TPST1: variants seen among roughly 807,000 people sequenced by gnomAD.
TPST1 encodes the protein tyrosylprotein sulfotransferase 1, also known as protein-tyrosine sulfotransferase 1.
In TPST1, 20 loss-of-function variants were observed where a neutral mutation model predicts 34.8. The observed-to-expected ratio is 0.57, with a 90% CI of 0.40 to 0.84. The LOEUF is 0.84. TPST1 is among the 40% of genes least tolerant of loss of function. The pLI is 0.00. For synonymous variants in TPST1, 152 were observed against 159.4 expected (o/e 0.95, Z 0.35); for missense variants, 353 against 455.5 (o/e 0.78, Z 2.05).
At chr7:66,208,878 CA>C (rs1230155679) in intron 1 of TPST1, among the ~76,000 whole-genome samples, 6 of 152,184 alleles carry the variant, frequency 3.9e-5, no homozygotes, top group Non-Finnish European at 5.9e-5. Flanking sequence ...CAGTTTCTAG[CA>C]AATTGCCAAG....
chr7:66,330,257 G>A (rs1251770371), intron 3 of TPST1, among the ~76,000 whole-genome samples: 1 of 152,152 alleles, frequency 6.6e-6, no homozygotes, highest in Non-Finnish European at 1.5e-5. Flanking sequence ...GTAATCACCA[G>A]GGTCCTCATA....
At chr7:66,302,623 T>C (rs1791340844) in intron 3 of TPST1, among the ~76,000 whole-genome samples, 3 of 152,232 alleles carry the variant, frequency 2.0e-5, no homozygotes, top group African/African-American at 2.4e-5. Flanking sequence ...CCTCCTTTTC[T>C]GCCCACTTGT....
At chr7:66,277,835 G>A (rs1562826243) in intron 2 of TPST1, among the ~76,000 whole-genome samples, 1 of 152,004 alleles carries the variant, frequency 6.6e-6, no homozygotes, top group Non-Finnish European at 1.5e-5. Context: ...GGAAGAAGTA[G>A]GGGGACCTAT....
chr7:66,273,829 G>A (rs1424537806), intron 2 of TPST1, among the ~76,000 whole-genome samples: 2 of 151,678 alleles, frequency 1.3e-5, no homozygotes, highest in Non-Finnish European at 2.9e-5. Context: ...TTGAGACAGG[G>A]TCTCACTCTG....
At chr7:66,261,763 G>A (rs1489810264) in intron 2 of TPST1, among the ~76,000 whole-genome samples, 2 of 152,078 alleles carry the variant, frequency 1.3e-5, no homozygotes, top group African/African-American at 2.4e-5. Context: ...ACCTTTGTAT[G>A]CCTCATTTTC....
chr7:66,326,416 C>T (rs1400016162), intron 3 of TPST1, among the ~76,000 whole-genome samples: 1 of 152,154 alleles, frequency 6.6e-6, no homozygotes, highest in Non-Finnish European at 1.5e-5. Context: ...GGGAAAAGGA[C>T]TCCAGTGAAA....
At chr7:66,247,682 C>T (rs1790179613) in intron 2 of TPST1, among the ~76,000 whole-genome samples, 1 of 152,194 alleles carries the variant, frequency 6.6e-6, no homozygotes. Context: ...ATGGTTAAGG[C>T]GCTGTAGTTC....
At chr7:66,356,703 C>A in intron 4 of TPST1, 122 bp from the exon 5 acceptor site, 2 of 1,067,152 alleles carry the variant, frequency 1.9e-6, no homozygotes, top group South Asian at 1.4e-5. Context: ...CACAGTAGTG[C>A]ACTGAGTTCA....
At position 66,206,879 on chromosome 7, in the gene TPST1, A is replaced by G. The variant is rs996987541; in HGVS notation, c.-102+1357A>G. On this transcript the variant is annotated intron_variant, in intron 1 of 5. Transcript: ENST00000304842. ...CTGTACAGACCAAATATGCTTAAGA[A>G]TGAAACTTCTGACAAGTCCTCTAAG... 2.0e-5 allele frequency among the ~76,000 whole-genome samples: 3 copies of G among 152,186 alleles called. No homozygotes were observed. The East Asian group carries it at 5.8e-4, about 29-fold the overall frequency.
chr7:66,352,817 G>C, intron 4 of TPST1: 1 of 985,414 alleles, frequency 1.0e-6, no homozygotes, highest in Non-Finnish European at 1.2e-6. Flanking sequence ...ACCAAATTCT[G>C]ATTGCTTGAG....
intron 2 of TPST1, among the ~76,000 whole-genome samples, chr7:66,272,899 C>T (rs962893846): frequency 6.6e-6 from 1 of 152,114 alleles, no homozygotes; most frequent in East Asian, 1.9e-4. Flanking sequence ...ACTCTCACCA[C>T]TTCTGTTCAG....
At chr7:66,212,132 CTT>C (rs1295496205) in intron 1 of TPST1, among the ~76,000 whole-genome samples, 6 of 152,258 alleles carry the variant, frequency 3.9e-5, no homozygotes, top group African/African-American at 1.2e-4. Context: ...TTAAAATAGA[CTT>C]TATTTCATAC....
At position 66,273,424 on chromosome 7, in the gene TPST1, C is replaced by T. The variant is rs148563355; in HGVS notation, c.846-13087C>T. Among the ~76,000 whole-genome samples the T allele has an allele frequency of 8.5e-5, 13 of 152,214 alleles. 1 individual carries two copies. In the East Asian group the frequency reaches 1.7e-3, roughly 20 times the overall value. ...CATTTTCACAGAAATAGAAAAAGCACTTGTAAAATTTATGTAGAACTACAA... is the reference window on the plus strand; with the variant it reads ...CATTTTCACAGAAATAGAAAAAGCATTTGTAAAATTTATGTAGAACTACAA... On this transcript the variant is annotated intron_variant, in intron 2 of 5. Transcript: ENST00000304842.
At chr7:66,296,676 G>GTTTTTTTTTTTTTTTT (rs55888171) in intron 3 of TPST1, among the ~76,000 whole-genome samples, 3 of 92,142 alleles carry the variant, frequency 3.3e-5, no homozygotes, top group African/African-American at 4.4e-5. Context: ...TACTGGGTTG[G>GTTTTTTTTTTTTTTTT]TTTTTTTTTT....
chr7:66,326,247 C>T (rs141573439), intron 3 of TPST1, among the ~76,000 whole-genome samples: 212 of 152,252 alleles, frequency 1.4e-3, no homozygotes, highest in African/African-American at 5.0e-3. Context: ...CTACCTGTCT[C>T]CTTTAAGTCC....
intron 2 of TPST1, among the ~76,000 whole-genome samples, chr7:66,272,534 A>C (rs377051474): frequency 2.4e-4 from 37 of 152,058 alleles, no homozygotes; most frequent in African/African-American, 8.9e-4. Context: ...AAAAGTTGAA[A>C]GCTTTTCCTG....
intron 3 of TPST1, among the ~76,000 whole-genome samples, chr7:66,342,350 A>G (rs900050186): frequency 6.6e-6 from 1 of 152,100 alleles, no homozygotes; most frequent in Non-Finnish European, 1.5e-5. Flanking sequence ...AAAGAGAAAA[A>G]TCTCCTCAAG....
At chr7:66,275,080 G>C (rs1007648757) in intron 2 of TPST1, among the ~76,000 whole-genome samples, 6 of 152,076 alleles carry the variant, frequency 3.9e-5, no homozygotes, top group Non-Finnish European at 8.8e-5. Context: ...TGTAGTCCCA[G>C]CTACTTGGGA....
chr7:66,322,491 G>A (rs950801456), intron 3 of TPST1, among the ~76,000 whole-genome samples: 1 of 152,128 alleles, frequency 6.6e-6, no homozygotes, highest in Non-Finnish European at 1.5e-5. Flanking sequence ...AATAGTATTT[G>A]TCTCTTTGTG....
Sources: allele counts gnomAD v4.1 joint callset (sites outside exome capture counted in the v4.1 genomes callset), GRCh38; gene constraint gnomAD v4.1.1; transcripts MANE v1.5; gene names NCBI Gene and HGNC (gene_info 2026-07-23, HGNC 2026-07-21).